Variants in SPOCK1 observed in about 807,000 individuals in gnomAD.
SPOCK1 encodes the protein testican-1.
Under a neutral mutation model 55.3 loss-of-function variants are expected in SPOCK1, and 23 were observed. The ratio of observed to expected loss-of-function variants is 0.42; its 90% confidence interval spans 0.30 to 0.59. SPOCK1 has a LOEUF of 0.59. Ranked by LOEUF, SPOCK1 falls within the 20% of genes least tolerant of loss-of-function variation. The pLI, the probability that SPOCK1 is intolerant of heterozygous loss-of-function variation, is 0.22. For synonymous variants in SPOCK1, 226 were observed against 221.0 expected, an observed-to-expected ratio of 1.02 and a Z score of -0.20; for missense variants, 499 against 552.5, an observed-to-expected ratio of 0.90 and a Z score of 0.97.
intron 6 of SPOCK1, among the ~76,000 whole-genome samples, chr5:137,020,301 AC>A (rs1419080838): frequency 1.3e-5 from 2 of 151,888 alleles, no homozygotes; most frequent in Non-Finnish European, 2.9e-5. Context: ...CTAGGTACAT[AC>A]TAAGAGAGTG....
intron 2 of SPOCK1, among the ~76,000 whole-genome samples, chr5:137,478,121 C>T (rs761654870): frequency 1.1e-4 from 17 of 152,114 alleles, no homozygotes; most frequent in African/African-American, 4.1e-4. Context: ...GAAGATTAAA[C>T]GGGCTATGTG....
chr5:137,175,998 A>C (rs1013838530), intron 3 of SPOCK1, among the ~76,000 whole-genome samples: 1 of 152,228 alleles, frequency 6.6e-6, no homozygotes, highest in African/African-American at 2.4e-5. Context: ...TTTTGGCTAT[A>C]CTTATGCTAA....
At chr5:137,420,310 T>C (rs946735405) in intron 2 of SPOCK1, among the ~76,000 whole-genome samples, 1 of 152,230 alleles carries the variant, frequency 6.6e-6, no homozygotes, top group African/African-American at 2.4e-5. Flanking sequence ...GCTGGCCTCA[T>C]AAAATGAGTT....
At chr5:136,979,646 C>A in intron 9 of SPOCK1, 177 bp from the exon 10 acceptor site, 1 of 685,512 alleles carries the variant, frequency 1.5e-6, no homozygotes. Flanking sequence ...CTTTAGAGGC[C>A]CAAACGCGAT....
intron 2 of SPOCK1, among the ~76,000 whole-genome samples, chr5:137,293,750 C>T (rs1168633319): frequency 6.6e-6 from 1 of 152,246 alleles, no homozygotes; most frequent in African/African-American, 2.4e-5. Flanking sequence ...GGCGTGGTGG[C>T]TCACGCCTGT....
At chr5:137,404,473 G>A (rs919662375) in intron 2 of SPOCK1, among the ~76,000 whole-genome samples, 6 of 147,852 alleles carry the variant, frequency 4.1e-5, no homozygotes, top group Admixed American at 2.7e-4. Flanking sequence ...GCAATGGCGC[G>A]ATCTTGGCTC....
At chr5:137,090,200 C>T (rs577151906) in intron 5 of SPOCK1, among the ~76,000 whole-genome samples, 38 of 152,364 alleles carry the variant, frequency 2.5e-4, no homozygotes, top group African/African-American at 8.2e-4. Context: ...AAGGGTTGAG[C>T]CTGCCTCAGG....
chr5:137,322,169 A>T (rs1427183740), intron 2 of SPOCK1, among the ~76,000 whole-genome samples: 1 of 152,024 alleles, frequency 6.6e-6, no homozygotes, highest in Non-Finnish European at 1.5e-5. Context: ...CATTCTTACT[A>T]AAAAATACAA....
chr5:137,115,699 A>G (rs1753564364), intron 4 of SPOCK1, among the ~76,000 whole-genome samples: 1 of 152,192 alleles, frequency 6.6e-6, no homozygotes, highest in African/African-American at 2.4e-5. Flanking sequence ...GGGCAAACTC[A>G]GCTGTTGCTT....
chr5:137,060,828 G>A (rs890871237), intron 6 of SPOCK1, among the ~76,000 whole-genome samples: 1 of 152,168 alleles, frequency 6.6e-6, no homozygotes, highest in Non-Finnish European at 1.5e-5. Flanking sequence ...AGACTTCAGA[G>A]GACCAGGAAA....
At position 137,385,763 on chromosome 5, in the gene SPOCK1, C is replaced by T. The variant is rs114137921; in HGVS notation, c.186+112610G>A. 4.6e-3 allele frequency among the ~76,000 whole-genome samples: 707 copies of T among 152,308 alleles called. 2 individuals carry two copies. Among genetic ancestry groups the T allele is most frequent in the African/African-American group, 0.015 (625 of 41,574 alleles). ...TAAACCAACCCATTCATCCATTCTA[C>T]GGCATTCACTGAACACATACTCTGC... On this transcript the variant is annotated intron_variant, in intron 2 of 10. Transcript: ENST00000394945.
At chr5:137,461,312 C>A (rs1283445565) in intron 2 of SPOCK1, among the ~76,000 whole-genome samples, 3 of 152,190 alleles carry the variant, frequency 2.0e-5, no homozygotes, top group African/African-American at 7.2e-5. Flanking sequence ...ACTGCAGCTA[C>A]AGAGTTTCTA....
chr5:137,062,446 A>G (rs1426284265), intron 6 of SPOCK1, among the ~76,000 whole-genome samples: 2 of 151,918 alleles, frequency 1.3e-5, no homozygotes, highest in East Asian at 1.9e-4. Context: ...GGGGTGGAGT[A>G]TGGGCTAGCT....
intron 3 of SPOCK1, among the ~76,000 whole-genome samples, chr5:137,192,079 CA>C (rs553142504): frequency 4.7e-5 from 7 of 149,602 alleles, no homozygotes; most frequent in African/African-American, 9.8e-5. Context: ...TACTAAAATA[CA>C]AAAAAAAATT....
At chr5:137,085,102 C>A (rs1436280197) in intron 5 of SPOCK1, among the ~76,000 whole-genome samples, 16 of 151,952 alleles carry the variant, frequency 1.1e-4, no homozygotes, top group Admixed American at 9.2e-4. Context: ...AAGGAAAGAA[C>A]CTTCAGTGCT....
intron 3 of SPOCK1, among the ~76,000 whole-genome samples, chr5:137,142,418 T>C (rs1754117664): frequency 6.6e-6 from 1 of 152,162 alleles, no homozygotes; most frequent in African/African-American, 2.4e-5. Flanking sequence ...TTCTGCTACT[T>C]GAACAGCTTA....
At chr5:137,294,992 C>A (rs994393938) in intron 2 of SPOCK1, among the ~76,000 whole-genome samples, 1 of 152,270 alleles carries the variant, frequency 6.6e-6, no homozygotes, top group South Asian at 2.1e-4. Context: ...CTGCCCTTCT[C>A]CCTTTATTTT....
intron 2 of SPOCK1, among the ~76,000 whole-genome samples, chr5:137,446,639 C>T (rs753625813): frequency 3.9e-5 from 6 of 152,122 alleles, no homozygotes; most frequent in East Asian, 3.9e-4. Context: ...ACTAGAAACG[C>T]GATGATTCTT....
rs764674053 is a variant in SPOCK1, at chr5:136,985,169, T to C, written c.962A>G (p.Gln321Arg). The change falls in exon 9 of 11, where the codon CAG (glutamine) becomes CGG (arginine). Residue 321 changes from glutamine to arginine, a missense_variant. Coordinates refer to ENST00000394945, the MANE Select transcript of SPOCK1 (RefSeq NM_004598.4). ...LPCQNEMNRI[Q>R]KLSKGKSLLG... The stretch of plus-strand genomic sequence containing the variant: ...CAGGCTTTTCCCCTTACTCAGCTTC[T>C]GAATTCTGTTCATTTCATTCTGGCA... 5.0e-6 allele frequency: 8 copies of C among 1,614,180 alleles called. No homozygotes were observed. Among genetic ancestry groups the C allele is most frequent in the Non-Finnish European group, 5.9e-6 (7 of 1,179,990 alleles).
Sources: gnomAD v4.1 joint callset for allele counts (sites outside exome capture counted in the v4.1 genomes callset) on GRCh38, gnomAD v4.1.1 for gene constraint, MANE v1.5 for transcripts, NCBI Gene and HGNC (gene_info 2026-07-23, HGNC 2026-07-21) for gene names.